NAALADL2: variants seen among roughly 807,000 people sequenced by gnomAD.
NAALADL2 encodes inactive N-acetylated-alpha-linked acidic dipeptidase-like protein 2.
NAALADL2 carries 76 observed loss-of-function variants against 87.2 expected under a neutral mutation model. That is an observed-to-expected ratio of 0.87 (90% confidence interval 0.72 to 1.05). The LOEUF (loss-of-function observed/expected upper bound fraction) is 1.05. Among genes scored for constraint, NAALADL2 ranks in the 50% least tolerant of loss-of-function variants. The pLI, the probability that NAALADL2 is intolerant of heterozygous loss-of-function variation, is 0.00. For synonymous variants in NAALADL2, 354 were observed against 331.0 expected (o/e 1.07, Z -0.75); for missense variants, 1,089 against 945.8 (o/e 1.15, Z -1.99).
Position 174,450,597 on chromosome 3 carries a change from C to T in NAALADL2, c.-184+9565C>T, listed in dbSNP as rs114299166. Among the ~76,000 whole-genome samples the T allele has an allele frequency of 9.8e-3, 1,497 of 152,134 alleles. 32 individuals are homozygous for T. The highest frequency in any genetic ancestry group is 0.035 in the African/African-American group (1,437 of 41,514). On this transcript the variant is annotated intron_variant, in intron 1 of 3. Coordinates refer to the NAALADL2 transcript ENST00000434257. ...CAAGACTGAGAGAGTCCAGGCTGGG[C>T]GCGGTGGCTATTGCCTGTAATCCCA...
chr3:174,928,491 C>T (rs1020856168), intron 1 of NAALADL2, among the ~76,000 whole-genome samples: 2 of 152,180 alleles, frequency 1.3e-5, no homozygotes, highest in East Asian at 3.9e-4. Context: ...TCACCCGCCT[C>T]GGCCTCCCAA....
intron 5 of NAALADL2, among the ~76,000 whole-genome samples, chr3:175,389,511 T>C (rs1768822259): frequency 6.6e-6 from 1 of 152,206 alleles, no homozygotes; most frequent in African/African-American, 2.4e-5. Context: ...CCTGCTTGAA[T>C]TAATCTACTG....
chr3:175,597,431 A>C (rs1240348920), intron 10 of NAALADL2, among the ~76,000 whole-genome samples: 1 of 152,022 alleles, frequency 6.6e-6, no homozygotes, highest in Non-Finnish European at 1.5e-5. Context: ...TTAGGAATCA[A>C]ACTCCCTGGA....
intron 4 of NAALADL2, among the ~76,000 whole-genome samples, chr3:175,258,177 G>C (rs1342602619): frequency 1.3e-5 from 2 of 151,736 alleles, no homozygotes; most frequent in Non-Finnish European, 2.9e-5. Context: ...GCGTGGTGGC[G>C]GGCGCCTGTA....
intron 2 of NAALADL2, chr3:175,115,135 T>C (rs972081372): frequency 1.5e-4 from 23 of 151,642 alleles, no homozygotes; most frequent in African/African-American, 4.3e-4. Flanking sequence ...ATTAGACTTA[T>C]ATTTTCAGAA....
intron 2 of NAALADL2, among the ~76,000 whole-genome samples, chr3:174,577,414 G>T (rs1560067819): frequency 1.3e-5 from 2 of 152,156 alleles, no homozygotes. Context: ...ATTGTACAGT[G>T]ACCAGAAGTA....
rs71312319 is a variant in NAALADL2 at position 175,194,521 on chromosome 3, T to G, written c.546-39410T>G. Among the ~76,000 whole-genome samples, 1,268 of 151,980 alleles carry G rather than the reference T, an allele frequency of 8.3e-3. 3 individuals carry two copies. The highest frequency in any genetic ancestry group is 0.031 in the South Asian group (148 of 4,826). On this transcript the variant is annotated intron_variant, in intron 2 of 13. Transcript: ENST00000454872. Reference sequence around the variant, plus strand: ...AAGGTAGGCTATATGGAAACATAGATATAATGTAGTAAGAAAAACCCAAGT... The same window carrying G: ...AAGGTAGGCTATATGGAAACATAGAGATAATGTAGTAAGAAAAACCCAAGT...
At chr3:175,137,557 T>G (rs575634573) in intron 2 of NAALADL2, among the ~76,000 whole-genome samples, 1 of 152,024 alleles carries the variant, frequency 6.6e-6, no homozygotes, top group African/African-American at 2.4e-5. Context: ...ATTCAGATAT[T>G]TTTTAGATTA....
At position 174,768,288 on chromosome 3, in the gene NAALADL2, A is replaced by T. The variant is rs574048458; in HGVS notation, c.-9+30542A>T. Among the ~76,000 whole-genome samples, 4 of 152,310 alleles carry T rather than the reference A, an allele frequency of 2.6e-5. No individual in the cohort carries two copies. In the South Asian group the frequency reaches 6.2e-4, roughly 24 times the overall value. ...CTTTTATACTTAAGTAAAATTGGAT[A>T]ATATATAATAATATCTTTAGCTGGG... On this transcript the variant is annotated intron_variant, in intron 3 of 3. Coordinates refer to the NAALADL2 transcript ENST00000434257.
At chr3:174,914,637 T>C (rs1344131196) in intron 1 of NAALADL2, among the ~76,000 whole-genome samples, 1 of 152,186 alleles carries the variant, frequency 6.6e-6, no homozygotes, top group Non-Finnish European at 1.5e-5. Flanking sequence ...TAAATAAATG[T>C]ACATTTTCTC....
At chr3:175,101,754 T>C (rs1372055217) in intron 2 of NAALADL2, among the ~76,000 whole-genome samples, 1 of 152,222 alleles carries the variant, frequency 6.6e-6, no homozygotes, top group African/African-American at 2.4e-5. Context: ...AGTTTATTTT[T>C]GAAGGCAGGA....
At chr3:175,670,534 AATTATATTATTTTACATTATATTAAAAT>A (rs1481532599) in intron 11 of NAALADL2, among the ~76,000 whole-genome samples, 36 of 145,512 alleles carry the variant, frequency 2.5e-4, no homozygotes, top group African/African-American at 4.0e-4. Flanking sequence ...ATGTAAATTT[AATTATATTATTTTACATTATATTAAAAT>A]TTAATATATT....
At chr3:175,219,569 G>A (rs1037612553) in intron 2 of NAALADL2, among the ~76,000 whole-genome samples, 5 of 151,876 alleles carry the variant, frequency 3.3e-5, no homozygotes, top group Middle Eastern at 3.2e-3. Flanking sequence ...CCTCGTTAGC[G>A]GTTTCTCTTT....
intron 2 of NAALADL2, among the ~76,000 whole-genome samples, chr3:174,599,031 C>A (rs1262165475): frequency 2.0e-5 from 3 of 152,136 alleles, no homozygotes; most frequent in Non-Finnish European, 4.4e-5. Flanking sequence ...TAATTCTACT[C>A]AGCTTGTCAG....
At chr3:174,563,258 C>T (rs909517470) in intron 2 of NAALADL2, among the ~76,000 whole-genome samples, 1 of 151,290 alleles carries the variant, frequency 6.6e-6, no homozygotes, top group Non-Finnish European at 1.5e-5. Context: ...TTTATTTCTT[C>T]TCCAGATATT....
chr3:175,714,827 A>G (rs1272281707), intron 11 of NAALADL2, among the ~76,000 whole-genome samples: 1 of 152,102 alleles, frequency 6.6e-6, no homozygotes, highest in East Asian at 1.9e-4. Flanking sequence ...CTGGCTAGCC[A>G]TGTTCAAAAA....
intron 1 of NAALADL2, among the ~76,000 whole-genome samples, chr3:174,919,183 T>A (rs1734810423): frequency 6.6e-6 from 1 of 152,138 alleles, no homozygotes; most frequent in Admixed American, 6.5e-5. Context: ...TGGTGGTGAT[T>A]GCTGAAGGTT....
intron 2 of NAALADL2, among the ~76,000 whole-genome samples, chr3:175,133,609 G>A (rs1436625841): frequency 2.0e-5 from 3 of 152,182 alleles, no homozygotes; most frequent in Non-Finnish European, 4.4e-5. Flanking sequence ...GCAATCGCAG[G>A]CACTCGGCAG....
chr3:175,579,904 G>A (rs141498871), intron 10 of NAALADL2, among the ~76,000 whole-genome samples: 16 of 152,214 alleles, frequency 1.1e-4, no homozygotes, highest in African/African-American at 2.9e-4. Context: ...ATCAATCCAT[G>A]CCCTAGCAAG....
Sources: allele counts gnomAD v4.1 joint callset (sites outside exome capture counted in the v4.1 genomes callset), GRCh38; gene constraint gnomAD v4.1.1; transcripts MANE v1.5; gene names NCBI Gene and HGNC (gene_info 2026-07-23, HGNC 2026-07-21).